Variants in SLC18B1 observed in about 807,000 individuals in gnomAD.
SLC18B1 encodes MFS-type transporter SLC18B1.
A neutral mutation model predicts 53.9 loss-of-function variants in SLC18B1; 62 were observed. That is an observed-to-expected ratio of 1.15 (90% CI 0.94 to 1.42). The LOEUF is 1.42. SLC18B1 is among the 40% of genes most tolerant of loss of function. The pLI, the probability that SLC18B1 is intolerant of heterozygous loss-of-function variation, is 0.00. For missense variants in SLC18B1, 598 were observed against 547.3 expected, an observed-to-expected ratio of 1.09 and a Z score of -0.93; for synonymous variants, 217 against 200.9, an observed-to-expected ratio of 1.08 and a Z score of -0.68.
At chr6:132,790,297 A>G (rs1300442558) in intron 2 of SLC18B1, 25 bp from the exon 3 acceptor site, 5 of 1,476,740 alleles carry the variant, frequency 3.4e-6, no homozygotes, top group Non-Finnish European at 4.5e-6. Context: ...AACGGAAACA[A>G]AGTTTCAAAG....
At chr6:132,775,785 T>C (rs1057470190) in intron 8 of SLC18B1, among the ~76,000 whole-genome samples, 1 of 152,244 alleles carries the variant, frequency 6.6e-6, no homozygotes, top group Non-Finnish European at 1.5e-5. Context: ...ACAGAAAATC[T>C]AAATTACCTC....
intron 6 of SLC18B1, among the ~76,000 whole-genome samples, chr6:132,780,565 G>GTTTTTTTTTTTTTTTTTTTTTT (rs10537572): frequency 1.3e-5 from 1 of 75,902 alleles, no homozygotes; most frequent in Non-Finnish European, 2.3e-5. Flanking sequence ...CGTGGTGTTA[G>GTTTTTTTTTTTTTTTTTTTTTT]TTTTTTTTTT....
chr6:132,790,138 T>C, intron 3 of SLC18B1, 39 bp downstream of exon 3: 1 of 1,406,242 alleles, frequency 7.1e-7, no homozygotes, highest in Non-Finnish European at 9.7e-7. Flanking sequence ...ATCATATAAT[T>C]TTTAAAAATT....
chr6:132,791,482 T>G (rs1405971535), intron 2 of SLC18B1, among the ~76,000 whole-genome samples: 1 of 152,212 alleles, frequency 6.6e-6, no homozygotes, highest in Non-Finnish European at 1.5e-5. Context: ...AAGGATTTTT[T>G]TTTTGCATGT....
intron 6 of SLC18B1, among the ~76,000 whole-genome samples, chr6:132,783,331 C>T (rs2114672972): frequency 6.6e-6 from 1 of 152,214 alleles, no homozygotes; most frequent in East Asian, 1.9e-4. Context: ...TGTGCACCAC[C>T]ATGCCCAGCT....
chr6:132,771,127 G>A lies in SLC18B1; in HGVS notation c.1163C>T (p.Ala388Val). 1 of 1,613,006 alleles carries A rather than the reference G, an allele frequency of 6.2e-7. No homozygotes were observed. Among genetic ancestry groups the A allele is most frequent in the Non-Finnish European group, 8.5e-7 (1 of 1,179,630 alleles). Residue 388 changes from alanine to valine, a missense_variant and splice_region_variant, in exon 12 of 14, where the codon GCT becomes GTT. Ala to Val is a moderately conservative substitution (Grantham distance 64). Coordinates refer to ENST00000275227, the MANE Select transcript of SLC18B1 (RefSeq NM_052831.3). The part of the protein sequence containing the change: ...GLFSAMWSIG[A>V]FMGPTLGGFL... Reference sequence around the variant, plus strand: ...TCCACCCAGCGTTGGTCCCATAAAAGCACTAACAATAGAAAGAAGAAAAAG... The same window carrying A: ...TCCACCCAGCGTTGGTCCCATAAAAACACTAACAATAGAAAGAAGAAAAAG...
Position 132,769,962 on chromosome 6 carries a change from G to A in SLC18B1, c.*308C>T. On this transcript the variant is annotated 3_prime_UTR_variant, in exon 14 of 14. Transcript: ENST00000275227. ...ACAGAGGAAATAAGAACTAACTCGA[G>A]TTAATAACAACATCTTTAAGGACAA... is the stretch of plus-strand genomic sequence containing the variant. 4.7e-6 allele frequency: 1 copy of A among 213,062 alleles called. No individual in the cohort carries two copies. The highest frequency in any genetic ancestry group is 9.3e-6 in the Non-Finnish European group (1 of 107,526). The allele number at this position is 213,062 out of a possible 1,614,324, so 13.2% of individuals were successfully genotyped here.
chr6:132,785,120 T>TCA lies in SLC18B1; in HGVS notation c.502-1032_502-1031insTG, dbSNP rs1473840746. Among the ~76,000 whole-genome samples the TCA allele has an allele frequency of 3.7e-4, 31 of 83,428 alleles. No homozygotes were observed. In the South Asian group the frequency reaches 4.1e-3, roughly 11 times the overall value. 54.7% of individuals were successfully genotyped at this position (83,428 alleles called of 152,430 possible). ...TTCTCGTGCTCTCTCTCTCTCTCAGTGTGTGTGTGTGTGTGTGTGTGTGTG... is the reference window on the plus strand; with the variant it reads ...TTCTCGTGCTCTCTCTCTCTCTCAGTCAGTGTGTGTGTGTGTGTGTGTGTGTG... On this transcript the variant is annotated intron_variant, in intron 5 of 13. Transcript: ENST00000275227.
At chr6:132,775,896 T>G (rs997847532) in intron 8 of SLC18B1, among the ~76,000 whole-genome samples, 2 of 152,128 alleles carry the variant, frequency 1.3e-5, no homozygotes, top group African/African-American at 2.4e-5. Context: ...CAAGTGAGCT[T>G]TTTTCATAAG....
chr6:132,787,543 G>A lies in SLC18B1; in HGVS notation c.392C>T (p.Ala131Val), dbSNP rs758462530. The A allele has an allele frequency of 5.0e-6, 8 of 1,608,374 alleles. No homozygotes were observed. The Admixed American group carries it at 1.0e-4, about 20-fold the overall frequency. ...CATTACTCTCACTAGAAAACACATA[G>A]CAATAAATACTGGCCCATCTGGAAC... ...DRVPDGPVFI[A>V]MCFLVRVMDA... is the part of the protein sequence containing the mutation. Residue 131 changes from alanine (A) to valine (V), a missense_variant, in exon 5 of 14, where the codon GCT becomes GTT. Coordinates refer to ENST00000275227, the MANE Select transcript of SLC18B1 (RefSeq NM_052831.3).
intron 2 of SLC18B1, 120 bp downstream of exon 2, chr6:132,796,862 C>T: frequency 2.8e-6 from 3 of 1,067,490 alleles, no homozygotes; most frequent in Non-Finnish European, 3.9e-6. Context: ...GTTCTATACA[C>T]CATCTGTCCT....
intron 2 of SLC18B1, among the ~76,000 whole-genome samples, chr6:132,795,568 T>C (rs932320843): frequency 1.3e-5 from 2 of 152,244 alleles, no homozygotes; most frequent in African/African-American, 4.8e-5. Context: ...TATCTTCTTT[T>C]GTAACACACA....
intron 2 of SLC18B1, among the ~76,000 whole-genome samples, chr6:132,793,776 T>G (rs999886791): frequency 6.6e-6 from 1 of 152,252 alleles, no homozygotes; most frequent in Admixed American, 6.5e-5. Context: ...GTGCATGTAC[T>G]GAGTCTCTAC....
intron 6 of SLC18B1, among the ~76,000 whole-genome samples, chr6:132,781,027 AT>A (rs1171269916): frequency 6.6e-6 from 1 of 152,152 alleles, no homozygotes; most frequent in Admixed American, 6.5e-5. Context: ...AGTTGGTATG[AT>A]TTTTGAATTG....
At chr6:132,777,093 T>G (rs1781117130) in intron 7 of SLC18B1, among the ~76,000 whole-genome samples, 1 of 152,046 alleles carries the variant, frequency 6.6e-6, no homozygotes, top group Non-Finnish European at 1.5e-5. Flanking sequence ...TGGTGGCGCA[T>G]GGCTGTAATC....
At chr6:132,774,873 C>T (rs1244033406) in intron 8 of SLC18B1, among the ~76,000 whole-genome samples, 3 of 151,716 alleles carry the variant, frequency 2.0e-5, no homozygotes, top group South Asian at 2.1e-4. Flanking sequence ...ATCACACCAC[C>T]GTACTCCATC....
At position 132,784,070 on chromosome 6, in the gene SLC18B1, G is replaced by A; in HGVS notation, c.521C>T (p.Ser174Phe). ...ATVLGSLETF[S>F]GLGLILGPPV... Reference sequence around the variant, plus strand: ...AGGACCTAGTATTAGCCCCAGTCCAGAAAAAGTCTCAAGACTTCCCTTAAA... The same window carrying A: ...AGGACCTAGTATTAGCCCCAGTCCAAAAAAAGTCTCAAGACTTCCCTTAAA... The change falls in exon 6 of 14, where the codon TCT becomes TTT. Residue 174 changes from serine to phenylalanine, a missense_variant. Transcript: ENST00000275227. 6.4e-7 allele frequency: 1 copy of A among 1,567,958 alleles called. No individual in the cohort carries two copies. Among genetic ancestry groups the A allele is most frequent in the Non-Finnish European group, 8.6e-7 (1 of 1,163,156 alleles).
intron 6 of SLC18B1, among the ~76,000 whole-genome samples, chr6:132,781,034 A>C (rs1433154917): frequency 6.6e-6 from 1 of 152,140 alleles, no homozygotes; most frequent in Non-Finnish European, 1.5e-5. Context: ...ATGATTTTTG[A>C]ATTGTATATA....
rs1349022920 is a variant in SLC18B1, at chr6:132,798,631, G to C, written c.-175C>G. On this transcript the variant is annotated 5_prime_UTR_variant, in exon 1 of 14. Coordinates refer to ENST00000275227, the MANE Select transcript of SLC18B1 (RefSeq NM_052831.3). ...GCCCGGAGCTCCCCAAAGCCTTCCA[G>C]GACTCTGGGTCCCCGGGAGGAGGCC... is the stretch of plus-strand genomic sequence containing the variant. 1 of 565,924 alleles carries C rather than the reference G, an allele frequency of 1.8e-6. No individual in the cohort carries two copies. The highest frequency in any genetic ancestry group is 3.4e-5 in the East Asian group (1 of 29,230). 35.1% of individuals were successfully genotyped at this position (565,924 alleles called of 1,614,324 possible). A position where few individuals can be genotyped will look rare whatever the true frequency, so the allele number is the denominator to read the frequency against.
Sources: gnomAD v4.1 joint callset for allele counts (sites outside exome capture counted in the v4.1 genomes callset) on GRCh38, gnomAD v4.1.1 for gene constraint, MANE v1.5 for transcripts, NCBI Gene and HGNC (gene_info 2026-07-23, HGNC 2026-07-21) for gene names.